The following FEZ2 variants were observed in gnomAD, a reference collection of about 807,000 sequenced individuals.
FEZ2 encodes fasciculation and elongation protein zeta 2.
In FEZ2, 51 loss-of-function variants were observed where a neutral mutation model predicts 40.4. The observed-to-expected ratio is 1.26, with a 90% CI of 1.01 to 1.59. The LOEUF (loss-of-function observed/expected upper bound fraction) is 1.59, where lower values mean the gene tolerates loss of function less well. FEZ2 is among the 40% of genes most tolerant of loss of function. The pLI, the probability that FEZ2 is intolerant of heterozygous loss-of-function variation, is 0.00. For missense variants in FEZ2, 640 were observed against 438.3 expected, an observed-to-expected ratio of 1.46 and a Z score of -4.11; for synonymous variants, 242 against 172.0, an observed-to-expected ratio of 1.41 and a Z score of -3.18.
At chr2:36,593,770 T>G (rs1301813372) in intron 1 of FEZ2, among the ~76,000 whole-genome samples, 1 of 151,802 alleles carries the variant, frequency 6.6e-6, no homozygotes, top group Non-Finnish European at 1.5e-5. Flanking sequence ...CCCATGGTCG[T>G]GGGGATTAAC....
chr2:36,579,187 G>A (rs779114602), intron 4 of FEZ2: 14 of 220,294 alleles, frequency 6.4e-5, no homozygotes, highest in Non-Finnish European at 8.3e-5. Context: ...GCTTGTACAC[G>A]GAAAAGAACA....
chr2:36,570,145 A>G (rs112197883), intron 5 of FEZ2, among the ~76,000 whole-genome samples: 1 of 152,106 alleles, frequency 6.6e-6, no homozygotes, highest in African/African-American at 2.4e-5. Flanking sequence ...TGTAAAAGTA[A>G]TATCTTGTTT....
chr2:36,582,001 C>CA (rs1668764791), intron 3 of FEZ2, among the ~76,000 whole-genome samples: 2 of 152,018 alleles, frequency 1.3e-5, no homozygotes, highest in African/African-American at 4.8e-5. Context: ...TTAAATTACT[C>CA]AAAAAGTAGA....
intron 1 of FEZ2, chr2:36,591,274 T>C (rs924085678): frequency 2.1e-6 from 1 of 470,534 alleles, no homozygotes; most frequent in Admixed American, 3.6e-5. Flanking sequence ...AACACTTCCA[T>C]TATATTAGGT....
chr2:36,582,274 A>C (rs1424607497), intron 3 of FEZ2, among the ~76,000 whole-genome samples: 1 of 152,206 alleles, frequency 6.6e-6, no homozygotes, highest in Non-Finnish European at 1.5e-5. Context: ...AGACATCATG[A>C]GCATATTTCC....
chr2:36,555,966 A>G (rs962362516), intron 6 of FEZ2: 3 of 663,560 alleles, frequency 4.5e-6, no homozygotes, highest in Non-Finnish European at 5.7e-6. Context: ...CGGTAAGAAT[A>G]TCCCACTTAC....
chr2:36,560,500 T>C (rs560936201), intron 5 of FEZ2, among the ~76,000 whole-genome samples: 1 of 152,344 alleles, frequency 6.6e-6, no homozygotes, highest in East Asian at 1.9e-4. Context: ...CAATACATTA[T>C]GTTAAAATGT....
At chr2:36,561,261 T>G (rs1271631575) in intron 5 of FEZ2, 1 of 155,292 alleles carries the variant, frequency 6.4e-6, no homozygotes, top group Non-Finnish European at 1.4e-5. Flanking sequence ...ATGCGTATTT[T>G]CAGCCTAAGT....
chr2:36,588,931 A>C (rs1315295868), intron 2 of FEZ2, among the ~76,000 whole-genome samples: 3 of 152,158 alleles, frequency 2.0e-5, no homozygotes, highest in Admixed American at 2.0e-4. Flanking sequence ...CTATGAATGG[A>C]AACTCTTCTA....
intron 2 of FEZ2, chr2:36,589,697 G>C (rs1420333171): frequency 1.3e-5 from 2 of 152,206 alleles, no homozygotes; most frequent in African/African-American, 4.8e-5. Context: ...GACTGGCACA[G>C]TCAGGAAGAT....
rs76524791 is a variant in FEZ2, at chr2:36,556,173, G to C, written c.980-425C>G. On this transcript the variant is annotated intron_variant, in intron 6 of 7. Transcript: ENST00000405912. Reference sequence around the variant, plus strand: ...AAACTAGAGAAACTCTTAAAGAAATGGACAGCTATACCCTCCAACAAGCGT... The same window carrying C: ...AAACTAGAGAAACTCTTAAAGAAATCGACAGCTATACCCTCCAACAAGCGT... The C allele has an allele frequency of 8.1e-4, 314 of 387,942 alleles. 2 individuals carry two copies. Among genetic ancestry groups the C allele is most frequent in the African/African-American group, 6.2e-3 (288 of 46,814 alleles). The allele number at this position is 387,942 out of a possible 1,614,324, so 24.0% of individuals were successfully genotyped here. A position where few individuals can be genotyped will look rare whatever the true frequency, so the allele number is the denominator to read the frequency against.
chr2:36,554,016 G>A (rs566745990), intron 7 of FEZ2, among the ~76,000 whole-genome samples: 75 of 152,072 alleles, frequency 4.9e-4, no homozygotes, highest in Non-Finnish European at 9.3e-4. Context: ...TTGCACTCCC[G>A]TCTTCATTTT....
intron 3 of FEZ2, 146 bp from the exon 4 acceptor site, chr2:36,581,577 A>T: frequency 1.5e-6 from 1 of 665,688 alleles, no homozygotes; most frequent in Admixed American, 3.0e-5. Context: ...TGCTCCAAAT[A>T]ATCAAAATTT....
At chr2:36,564,963 G>A (rs1054810536) in intron 5 of FEZ2, among the ~76,000 whole-genome samples, 12 of 152,164 alleles carry the variant, frequency 7.9e-5, no homozygotes, top group East Asian at 7.7e-4. Flanking sequence ...ATAGGTTGAC[G>A]GAAAAGAGAG....
intron 2 of FEZ2, chr2:36,590,402 G>A (rs1163923154): frequency 1.3e-5 from 2 of 152,958 alleles, no homozygotes; most frequent in African/African-American, 2.4e-5. Context: ...TCACTGCCAG[G>A]TGCAGTGGCT....
chr2:36,577,614 T>C (rs1370646123), intron 5 of FEZ2, among the ~76,000 whole-genome samples: 4 of 152,218 alleles, frequency 2.6e-5, no homozygotes, highest in African/African-American at 9.7e-5. Context: ...GATTTATTCA[T>C]AGGCTAATTA....
intron 2 of FEZ2, among the ~76,000 whole-genome samples, chr2:36,585,256 G>A (rs1668869073): frequency 6.6e-6 from 1 of 152,098 alleles, no homozygotes; most frequent in East Asian, 1.9e-4. Context: ...AGTAGGCAGG[G>A]GCTAGGATAA....
rs760830988 is a variant in FEZ2 at position 36,583,315 on chromosome 2, G to C, written c.492+38C>G. 7 of 1,031,194 alleles carry C rather than the reference G, an allele frequency of 6.8e-6. No homozygotes were observed. The African/African-American group carries it at 9.5e-5, about 14-fold the overall frequency. 63.9% of individuals were successfully genotyped at this position (1,031,194 alleles called of 1,614,324 possible). A position where few individuals can be genotyped will look rare whatever the true frequency, so the allele number is the denominator to read the frequency against. ...CAAGAAGCCGTTTTTCAGCTCTAGA[G>C]TCTCCTTTCCTTGCGTTGCTGAGGA... is the stretch of plus-strand genomic sequence containing the variant. On this transcript the variant is annotated intron_variant, in intron 3 of 7. Transcript: ENST00000405912.
chr2:36,573,777 A>G (rs763755337), intron 5 of FEZ2, among the ~76,000 whole-genome samples: 1 of 152,264 alleles, frequency 6.6e-6, no homozygotes, highest in Non-Finnish European at 1.5e-5. Flanking sequence ...GCAACTCATA[A>G]AAGAATACAA....
Sources: gnomAD v4.1 joint callset for allele counts (sites outside exome capture counted in the v4.1 genomes callset) on GRCh38, gnomAD v4.1.1 for gene constraint, MANE v1.5 for transcripts, NCBI Gene and HGNC (gene_info 2026-07-23, HGNC 2026-07-21) for gene names.